The following THEMIS variants were observed in gnomAD, a reference collection of about 807,000 sequenced individuals.
The protein encoded by THEMIS is protein THEMIS.
THEMIS carries 37 observed loss-of-function variants against 52.6 expected under a neutral mutation model. That is an observed-to-expected ratio of 0.70 (90% CI 0.54 to 0.93). The LOEUF is 0.93. Ranked by LOEUF, THEMIS falls within the 40% of genes least tolerant of loss-of-function variation. The pLI is 0.00. For missense variants in THEMIS, 808 were observed against 763.1 expected (o/e 1.06, Z -0.69); for synonymous variants, 292 against 272.7 (o/e 1.07, Z -0.70).
At chr6:127,784,916 T>G (rs1398530190) in intron 4 of THEMIS, among the ~76,000 whole-genome samples, 2 of 152,160 alleles carry the variant, frequency 1.3e-5, no homozygotes, top group African/African-American at 4.8e-5. Flanking sequence ...ACAGGCATTC[T>G]AATTCTAAAT....
At chr6:127,795,425 T>C (rs1777294844) in intron 4 of THEMIS, among the ~76,000 whole-genome samples, 1 of 152,036 alleles carries the variant, frequency 6.6e-6, no homozygotes, top group Admixed American at 6.6e-5. Flanking sequence ...GCCTCATGGG[T>C]TCATGCCATT....
intron 4 of THEMIS, among the ~76,000 whole-genome samples, chr6:127,774,605 G>A (rs1376640024): frequency 6.6e-6 from 1 of 152,176 alleles, no homozygotes. Context: ...TAGCACATAT[G>A]TACTATGGTA....
intron 1 of THEMIS, among the ~76,000 whole-genome samples, chr6:127,861,807 AAAAG>A (rs1424092834): frequency 9.1e-4 from 84 of 92,400 alleles, no homozygotes; most frequent in South Asian, 6.9e-3. Flanking sequence ...AAAAAAAAAG[AAAAG>A]AAAGAAAAGA....
chr6:127,699,726 T>C, the THEMIS span, among the ~76,000 whole-genome samples: 1 of 148,460 alleles, frequency 6.7e-6, no homozygotes, highest in Non-Finnish European at 1.5e-5. Flanking sequence ...AAATATCTAT[T>C]TGGGGAAAAA....
chr6:127,711,293 C>T (rs369575689), intron 5 of THEMIS, among the ~76,000 whole-genome samples: 19 of 151,990 alleles, frequency 1.3e-4, no homozygotes, highest in East Asian at 1.2e-3. Flanking sequence ...ACTATCTCAG[C>T]GATTTTCATG....
intron 3 of THEMIS, among the ~76,000 whole-genome samples, chr6:127,823,224 C>T (rs1363626837): frequency 6.6e-6 from 1 of 152,048 alleles, no homozygotes; most frequent in Non-Finnish European, 1.5e-5. Context: ...GAAATGGGAG[C>T]TGACTAGAGT....
chr6:127,730,540 A>G (rs1175267441), intron 4 of THEMIS, among the ~76,000 whole-genome samples: 1 of 151,582 alleles, frequency 6.6e-6, no homozygotes, highest in Admixed American at 6.6e-5. Flanking sequence ...GGAAGGAAAG[A>G]AGGAAGATTT....
chr6:127,815,224 T>C (rs1288808260), intron 3 of THEMIS, among the ~76,000 whole-genome samples: 1 of 151,698 alleles, frequency 6.6e-6, no homozygotes, highest in Admixed American at 6.6e-5. Flanking sequence ...GTCTATATTT[T>C]CTTGATAATT....
rs538267750 is a variant in THEMIS at position 127,783,067 on chromosome 6, G to A, written c.1758+29816C>T. On this transcript the variant is annotated intron_variant, in intron 4 of 5. Transcript: ENST00000368248. The stretch of plus-strand genomic sequence containing the variant: ...TATAGACCAATGGAACAGAACAGAG[G>A]CCTCAGAAATAATGCCACACATCTA... Among the ~76,000 whole-genome samples the A allele has an allele frequency of 1.4e-3, 212 of 152,072 alleles. 3 individuals carry two copies. The South Asian group carries it at 0.041, about 30-fold the overall frequency.
intron 1 of THEMIS, among the ~76,000 whole-genome samples, chr6:127,882,491 T>C (rs1780515098): frequency 6.6e-6 from 1 of 151,920 alleles, no homozygotes. Context: ...CCAACATGTG[T>C]GAGTTTAGGT....
intron 1 of THEMIS, among the ~76,000 whole-genome samples, chr6:127,885,993 G>C (rs2114449848): frequency 6.6e-6 from 1 of 152,214 alleles, no homozygotes; most frequent in South Asian, 2.1e-4. Context: ...ATGTCCAAAA[G>C]AGCCATATGT....
At chr6:127,719,339 AT>A (rs1294995338) in intron 5 of THEMIS, among the ~76,000 whole-genome samples, 1 of 151,944 alleles carries the variant, frequency 6.6e-6, no homozygotes, top group East Asian at 1.9e-4. Context: ...AAACATCTCA[AT>A]TATTTTAACC....
rs1773890855 is a variant in THEMIS, at chr6:127,709,208, A to C, written c.*777T>G. ...TTTATTGTCTTTTTCTTTCCATCAA[A>C]TATTATGATTAACTAGATAATTTTC... is the stretch of plus-strand genomic sequence containing the variant. On this transcript the variant is annotated 3_prime_UTR_variant, in exon 6 of 6. Transcript: ENST00000368248. 1 of 151,994 alleles carries C rather than the reference A, an allele frequency of 6.6e-6. No homozygotes were observed. Among genetic ancestry groups the C allele is most frequent in the Non-Finnish European group, 1.5e-5 (1 of 67,956 alleles). 9.4% of individuals were successfully genotyped at this position (151,994 alleles called of 1,614,324 possible). A position where few individuals can be genotyped will look rare whatever the true frequency, so the allele number is the denominator to read the frequency against.
chr6:127,742,327 AAC>A (rs1491520158), intron 4 of THEMIS, among the ~76,000 whole-genome samples: 11 of 147,554 alleles, frequency 7.5e-5, no homozygotes, highest in African/African-American at 1.8e-4. Flanking sequence ...AAAAAAAAAA[AAC>A]AAACAAAAAA....
intron 4 of THEMIS, among the ~76,000 whole-genome samples, chr6:127,720,659 A>G (rs1774330877): frequency 6.6e-6 from 1 of 152,026 alleles, no homozygotes; most frequent in African/African-American, 2.4e-5. Flanking sequence ...AGTATAATGG[A>G]CAACTTTCCT....
chr6:127,908,919 T>C (rs1781344205), intron 1 of THEMIS, among the ~76,000 whole-genome samples: 1 of 152,082 alleles, frequency 6.6e-6, no homozygotes, highest in African/African-American at 2.4e-5. Flanking sequence ...AGTCCTGTAT[T>C]ATTAAAAGTA....
intron 4 of THEMIS, among the ~76,000 whole-genome samples, chr6:127,775,226 A>T (rs2114457210): frequency 6.6e-6 from 1 of 152,310 alleles, no homozygotes; most frequent in Admixed American, 6.5e-5. Flanking sequence ...GCCCATAAGA[A>T]GTTGGGGACG....
chr6:127,883,393 AT>A (rs1780546686), intron 1 of THEMIS, among the ~76,000 whole-genome samples: 1 of 150,566 alleles, frequency 6.6e-6, no homozygotes, highest in Admixed American at 6.6e-5. Flanking sequence ...AAATATCTTT[AT>A]AAATATAATA....
chr6:127,780,414 A>T (rs1022495425), intron 4 of THEMIS, among the ~76,000 whole-genome samples: 3 of 152,190 alleles, frequency 2.0e-5, no homozygotes, highest in Non-Finnish European at 4.4e-5. Context: ...TAATATTGTT[A>T]TGTGTAAATT....
Sources: gnomAD v4.1 joint callset for allele counts (sites outside exome capture counted in the v4.1 genomes callset) on GRCh38, gnomAD v4.1.1 for gene constraint, MANE v1.5 for transcripts, NCBI Gene and HGNC (gene_info 2026-07-23, HGNC 2026-07-21) for gene names.